TENM3: variants seen among roughly 807,000 people sequenced by gnomAD.
TENM3 encodes the protein teneurin transmembrane protein 3.
A neutral mutation model predicts 255.1 loss-of-function variants in TENM3; 63 were observed. That is an observed-to-expected ratio of 0.25 (90% CI 0.20 to 0.30). TENM3 has a LOEUF of 0.30. Ranked by LOEUF, TENM3 falls within the 10% of genes least tolerant of loss-of-function variation. TENM3 has a pLI of 1.00. For missense variants in TENM3, 2,929 were observed against 3,461.1 expected (o/e 0.85, Z 3.86); for synonymous variants, 1,306 against 1,322.3 (o/e 0.99, Z 0.27).
chr4:182,229,140 A>T (rs1410258778), intron 1 of TENM3, among the ~76,000 whole-genome samples: 2 of 152,216 alleles, frequency 1.3e-5, no homozygotes, highest in East Asian at 3.9e-4. Flanking sequence ...AATTTCATTC[A>T]AACTTTCTTG....
At chr4:182,107,366 G>A in the TENM3 span, among the ~76,000 whole-genome samples, 3 of 152,150 alleles carry the variant, frequency 2.0e-5, no homozygotes, top group Admixed American at 6.5e-5. Context: ...TGGGTTTTAC[G>A]CCCCGGGTGT....
intron 3 of TENM3, among the ~76,000 whole-genome samples, chr4:182,454,978 A>G (rs1438207963): frequency 3.9e-5 from 6 of 152,198 alleles, no homozygotes; most frequent in Non-Finnish European, 7.3e-5. Context: ...GTTACAATTA[A>G]TGGGAGCTGA....
intron 3 of TENM3, among the ~76,000 whole-genome samples, chr4:182,541,656 C>A (rs1740892791): frequency 6.6e-6 from 1 of 152,160 alleles, no homozygotes; most frequent in Non-Finnish European, 1.5e-5. Context: ...CAATTCAGCA[C>A]TTAATATGAT....
chr4:182,654,883 T>C lies in TENM3; in HGVS notation c.1111+990T>C, dbSNP rs556177624. The stretch of plus-strand genomic sequence containing the variant: ...TCTTTTTTTTCCTAATGATAATACT[T>C]TATGACATTCTCTTTCTCCTTAGGG... On this transcript the variant is annotated intron_variant, in intron 6 of 27. Coordinates refer to ENST00000511685, the MANE Select transcript of TENM3 (RefSeq NM_001080477.4). Among the ~76,000 whole-genome samples the C allele has an allele frequency of 2.6e-5, 4 of 152,316 alleles. No individual in the cohort carries two copies. In the South Asian group the frequency reaches 8.3e-4, roughly 32 times the overall value.
At chr4:181,993,361 A>C in the TENM3 span, among the ~76,000 whole-genome samples, 3 of 152,168 alleles carry the variant, frequency 2.0e-5, no homozygotes, top group African/African-American at 7.2e-5. Context: ...TACCCACTTA[A>C]AAAGCATCAT....
chr4:182,708,456 T>C (rs754145351), intron 12 of TENM3, among the ~76,000 whole-genome samples: 6 of 152,070 alleles, frequency 3.9e-5, no homozygotes, highest in African/African-American at 1.4e-4. Context: ...TGTGAACATA[T>C]GTGAATTTTT....
chr4:181,777,534 C>T, the TENM3 span, among the ~76,000 whole-genome samples: 4 of 152,108 alleles, frequency 2.6e-5, no homozygotes, highest in African/African-American at 2.4e-5. Context: ...TCTTCTGATC[C>T]ATGAACGTGG....
At chr4:182,237,338 A>C (rs955128634) in intron 1 of TENM3, among the ~76,000 whole-genome samples, 1 of 151,566 alleles carries the variant, frequency 6.6e-6, no homozygotes, top group South Asian at 2.1e-4. Context: ...TTATAACAGA[A>C]TGATTTATAT....
At chr4:182,580,825 G>A (rs532848839) in intron 3 of TENM3, among the ~76,000 whole-genome samples, 12 of 152,242 alleles carry the variant, frequency 7.9e-5, no homozygotes, top group Admixed American at 2.0e-4. Flanking sequence ...ATTATTCTAC[G>A]ATCACTTGTC....
chr4:182,800,489 G>A lies in TENM3; in HGVS notation c.*138G>A. On this transcript the variant is annotated 3_prime_UTR_variant, in exon 28 of 28. Coordinates refer to ENST00000511685, the MANE Select transcript of TENM3 (RefSeq NM_001080477.4). ...CTGTTACGACCCACACCCACACCGCGAAAACAAGGACCGCTTTTTTCCGAA... is the reference window on the plus strand; with the variant it reads ...CTGTTACGACCCACACCCACACCGCAAAAACAAGGACCGCTTTTTTCCGAA... 1 of 1,095,642 alleles carries A rather than the reference G, an allele frequency of 9.1e-7. No homozygotes were observed. The highest frequency in any genetic ancestry group is 1.3e-6 in the Non-Finnish European group (1 of 797,432). 67.9% of individuals were successfully genotyped at this position (1,095,642 alleles called of 1,614,324 possible).
At chr4:182,104,148 T>A in the TENM3 span, among the ~76,000 whole-genome samples, 1 of 152,188 alleles carries the variant, frequency 6.6e-6, no homozygotes, top group Non-Finnish European at 1.5e-5. Context: ...GCCAAGGTGA[T>A]GTCACTGACC....
At chr4:182,451,216 T>C (rs1773429428) in intron 3 of TENM3, among the ~76,000 whole-genome samples, 1 of 152,214 alleles carries the variant, frequency 6.6e-6, no homozygotes, top group Admixed American at 6.5e-5. Flanking sequence ...AATAAAATCA[T>C]ACTAAATTTT....
intron 5 of TENM3, among the ~76,000 whole-genome samples, chr4:182,632,791 T>G (rs1751498846): frequency 6.6e-6 from 1 of 152,176 alleles, no homozygotes; most frequent in Non-Finnish European, 1.5e-5. Context: ...GTAAAGTCCT[T>G]ATTTAATCTA....
At chr4:181,977,726 G>A in the TENM3 span, among the ~76,000 whole-genome samples, 1 of 152,118 alleles carries the variant, frequency 6.6e-6, no homozygotes, top group Admixed American at 6.6e-5. Flanking sequence ...TATTTTAGGG[G>A]GAACTAAGAA....
At chr4:181,947,383 C>T in the TENM3 span, among the ~76,000 whole-genome samples, 4 of 152,104 alleles carry the variant, frequency 2.6e-5, no homozygotes, top group Non-Finnish European at 5.9e-5. Flanking sequence ...TTTTATGATT[C>T]ACAAGCTAGA....
At chr4:182,140,208 A>T (rs1749295910), upstream of TENM3, among the ~76,000 whole-genome samples, 1 of 152,164 alleles carries the variant, frequency 6.6e-6, no homozygotes, top group South Asian at 2.1e-4. Context: ...GCTACCTGTG[A>T]AGGCACTTGT....
chr4:182,436,849 C>G (rs1209361935), intron 3 of TENM3, among the ~76,000 whole-genome samples: 1 of 152,064 alleles, frequency 6.6e-6, no homozygotes, highest in East Asian at 1.9e-4. Context: ...GAAACCCCAT[C>G]TCTACTAAAA....
the TENM3 span, among the ~76,000 whole-genome samples, chr4:181,700,770 C>A: frequency 6.6e-6 from 1 of 152,048 alleles, no homozygotes; most frequent in Non-Finnish European, 1.5e-5. Flanking sequence ...TGCGTGGCCA[C>A]AGGGGAATAA....
At chr4:182,050,060 T>C in the TENM3 span, among the ~76,000 whole-genome samples, 3 of 152,038 alleles carry the variant, frequency 2.0e-5, no homozygotes, top group African/African-American at 7.2e-5. Context: ...TGGTACAATC[T>C]CGGCTCCCTG....
Sources: gnomAD v4.1 joint callset for allele counts (sites outside exome capture counted in the v4.1 genomes callset) on GRCh38, gnomAD v4.1.1 for gene constraint, MANE v1.5 for transcripts, NCBI Gene and HGNC (gene_info 2026-07-23, HGNC 2026-07-21) for gene names.